ARID4A: variants seen among roughly 807,000 people sequenced by gnomAD.
ARID4A encodes the protein AT-rich interactive domain-containing protein 4A.
Under a neutral mutation model 148.6 loss-of-function variants are expected in ARID4A, and 39 were observed. The observed-to-expected ratio is 0.26, with a 90% CI of 0.20 to 0.34. ARID4A has a LOEUF of 0.34. ARID4A is among the 10% of genes least tolerant of loss of function. The probability of loss-of-function intolerance (pLI) is 1.00; values close to 1 mark genes in which losing one functional copy is unlikely to be tolerated. For missense variants in ARID4A, 1,265 were observed against 1,449.1 expected, an observed-to-expected ratio of 0.87 and a Z score of 2.06; for synonymous variants, 475 against 481.2, an observed-to-expected ratio of 0.99 and a Z score of 0.17.
chr14:58,313,842 G>C (rs1022630732), intron 5 of ARID4A, among the ~76,000 whole-genome samples: 1 of 152,112 alleles, frequency 6.6e-6, no homozygotes, highest in Non-Finnish European at 1.5e-5. Context: ...CTCCAGGAGA[G>C]AGAGGAAATC....
rs774490026 is a variant in ARID4A at position 58,365,577 on chromosome 14, C to G, written c.3271C>G (p.Pro1091Ala). 3 of 1,611,188 alleles carry G rather than the reference C, an allele frequency of 1.9e-6. No individual in the cohort carries two copies. The highest frequency in any genetic ancestry group is 1.1e-5 in the South Asian group (1 of 90,950). The change falls in exon 21 of 24, where the codon CCA becomes GCA. Residue 1091 changes from proline (P) to alanine (A), a missense_variant. Transcript: ENST00000355431. ...GLMAKKQKRT[P>A]KRTSAAAKNE... ...AATGGCAAAAAAGCAAAAGCGTACC[C>G]CAAAGCGAACAAGTGCTGCAGCCAA...
At chr14:58,312,727 G>A (rs1429321656) in intron 5 of ARID4A, among the ~76,000 whole-genome samples, 2 of 152,010 alleles carry the variant, frequency 1.3e-5, no homozygotes, top group Non-Finnish European at 2.9e-5. Flanking sequence ...TCTGTTTCAT[G>A]CCTATTATGT....
At chr14:58,359,109 T>G in intron 17 of ARID4A, 23 bp from the exon 18 acceptor site, 1 of 615,988 alleles carries the variant, frequency 1.6e-6, no homozygotes, top group Non-Finnish European at 2.3e-6. Flanking sequence ...TACAAACTCT[T>G]TTTTTTTTTT....
At chr14:58,306,794 G>A (rs777016041) in intron 5 of ARID4A, among the ~76,000 whole-genome samples, 4 of 152,124 alleles carry the variant, frequency 2.6e-5, no homozygotes, top group Non-Finnish European at 5.9e-5. Context: ...CAGGAGAATC[G>A]CTTGAACCTG....
intron 11 of ARID4A, among the ~76,000 whole-genome samples, chr14:58,343,036 C>T (rs779405611): frequency 1.3e-5 from 2 of 152,054 alleles, no homozygotes; most frequent in Non-Finnish European, 2.9e-5. Context: ...TTTTTCCTCA[C>T]GCTAGAAGTT....
At chr14:58,337,242 T>TCATATATATATATATATATATATA (rs1566696601) in intron 11 of ARID4A, among the ~76,000 whole-genome samples, 2 of 45,648 alleles carry the variant, frequency 4.4e-5, no homozygotes, top group Non-Finnish European at 9.2e-5. Context: ...AACCTTCTCT[T>TCATATATATATATATATATATATA]TATTTATATA....
At chr14:58,305,130 T>G (rs1437934695) in intron 4 of ARID4A, 121 bp downstream of exon 4, 1 of 767,074 alleles carries the variant, frequency 1.3e-6, no homozygotes, top group East Asian at 2.9e-5. Context: ...ACAATACATA[T>G]GAAGGGTTTA....
chr14:58,343,312 GA>G (rs1275207086), intron 11 of ARID4A, among the ~76,000 whole-genome samples: 3 of 152,098 alleles, frequency 2.0e-5, no homozygotes, highest in Non-Finnish European at 1.5e-5. Flanking sequence ...AAATCATTAT[GA>G]ATGAATGTAC....
rs774609593 is a variant in ARID4A at position 58,365,140 on chromosome 14, A to C, written c.3051A>C (p.Arg1017=). Residue 1017 remains arginine (R), a synonymous_variant, in exon 20 of 24, where the codon CGA becomes CGC. Coordinates refer to ENST00000355431, the MANE Select transcript of ARID4A (RefSeq NM_002892.4). ...SPLTLSQDES[R]SVKSESDITI... is the part of the protein sequence containing the mutation. ...TTACTCTTAGTCAAGATGAGTCTCGAAGCGTAAAAAGTGAGAGTGATATAA... is the reference window on the plus strand; with the variant it reads ...TTACTCTTAGTCAAGATGAGTCTCGCAGCGTAAAAAGTGAGAGTGATATAA... 6 of 1,614,116 alleles carry C rather than the reference A, an allele frequency of 3.7e-6. No homozygotes were observed. The South Asian group carries it at 6.6e-5, about 18-fold the overall frequency.
intron 5 of ARID4A, among the ~76,000 whole-genome samples, chr14:58,313,386 T>A (rs1320247823): frequency 3.9e-5 from 6 of 152,152 alleles, no homozygotes; most frequent in African/African-American, 1.4e-4. Context: ...TATTGGTAGA[T>A]CCCTCGCTTG....
intron 8 of ARID4A, among the ~76,000 whole-genome samples, chr14:58,328,031 T>G (rs2033313445): frequency 6.6e-6 from 1 of 152,238 alleles, no homozygotes; most frequent in African/African-American, 2.4e-5. Context: ...ATTAAATTTC[T>G]AGGCAACCAA....
intron 20 of ARID4A, 30 bp from the exon 21 acceptor site, chr14:58,365,488 T>TTTG: frequency 8.8e-7 from 1 of 1,135,266 alleles, no homozygotes. Flanking sequence ...TTTTTTTTTT[T>TTTG]TCAACATTCT....
chr14:58,337,604 C>G (rs780369318), intron 11 of ARID4A, among the ~76,000 whole-genome samples: 9 of 152,074 alleles, frequency 5.9e-5, no homozygotes, highest in Non-Finnish European at 1.0e-4. Flanking sequence ...TATAATATCT[C>G]TTTTCTCAGG....
chr14:58,328,385 C>A, intron 9 of ARID4A, 69 bp downstream of exon 9: 2 of 1,005,884 alleles, frequency 2.0e-6, no homozygotes, highest in South Asian at 1.4e-5. Context: ...TGATAGACAC[C>A]TCCCCCACCA....
At chr14:58,317,856 G>A (rs1053337399) in intron 5 of ARID4A, among the ~76,000 whole-genome samples, 1 of 151,714 alleles carries the variant, frequency 6.6e-6, no homozygotes, top group African/African-American at 2.4e-5. Flanking sequence ...CTTCTCAGCT[G>A]GGTACAGTGG....
Position 58,343,482 on chromosome 14 carries a change from A to T in ARID4A, c.907-1213A>T, listed in dbSNP as rs147152043. Among the ~76,000 whole-genome samples, 1,083 of 152,256 alleles carry T rather than the reference A, an allele frequency of 7.1e-3. 8 individuals are homozygous for T. The highest frequency in any genetic ancestry group is 0.012 in the Non-Finnish European group (824 of 68,026). On this transcript the variant is annotated intron_variant, in intron 11 of 23. Coordinates refer to ENST00000355431, the MANE Select transcript of ARID4A (RefSeq NM_002892.4). ...GCCTGTTGCCCTCTGGACACCGAAG[A>T]CTCAACATTTATTGCTTGAGCATTG...
At chr14:58,360,878 T>C (rs2035104532) in intron 18 of ARID4A, 23 bp from the exon 19 acceptor site, 2 of 1,611,088 alleles carry the variant, frequency 1.2e-6, no homozygotes, top group Admixed American at 1.7e-5. Flanking sequence ...GCCCTTCTCA[T>C]ACATTTTGTT....
rs1306388271 is a variant in ARID4A, at chr14:58,316,890, A to AT, written c.275-1646dup. Among the ~76,000 whole-genome samples the AT allele has an allele frequency of 3.7e-5, 5 of 135,970 alleles. No individual in the cohort carries two copies. The East Asian group carries it at 1.2e-3, about 33-fold the overall frequency. The allele number at this position is 135,970 out of a possible 152,430, so 89.2% of individuals were successfully genotyped here. A position where few individuals can be genotyped will look rare whatever the true frequency, so the allele number is the denominator to read the frequency against. On this transcript the variant is annotated intron_variant, in intron 5 of 23. Transcript: ENST00000355431. ...TCACCGCGCCCGGCCAAGTAGTATG[A>AT]TTTTTTAAAATATGTACTAAAGGCC... is the stretch of plus-strand genomic sequence containing the variant.
chr14:58,337,906 C>T (rs2033913423), intron 11 of ARID4A, among the ~76,000 whole-genome samples: 1 of 152,164 alleles, frequency 6.6e-6, no homozygotes, highest in African/African-American at 2.4e-5. Flanking sequence ...TTTTTTATCA[C>T]AGGCCTTTAG....
Sources: allele counts gnomAD v4.1 joint callset (sites outside exome capture counted in the v4.1 genomes callset), GRCh38; gene constraint gnomAD v4.1.1; transcripts MANE v1.5; gene names NCBI Gene and HGNC (gene_info 2026-07-23, HGNC 2026-07-21).